The following VPS8 variants were observed in gnomAD, a reference collection of about 807,000 sequenced individuals.
VPS8 encodes the protein VPS8 subunit of CORVET complex, also known as vacuolar protein sorting-associated protein 8 homolog.
Under a neutral mutation model 216.4 loss-of-function variants are expected in VPS8, and 129 were observed. The observed-to-expected ratio is 0.60, with a 90% CI of 0.52 to 0.69. The LOEUF is 0.69. Among genes scored for constraint, VPS8 ranks in the 30% least tolerant of loss-of-function variants. VPS8 has a pLI of 0.00. For synonymous variants in VPS8, 571 were observed against 565.4 expected, an observed-to-expected ratio of 1.01 and a Z score of -0.14; for missense variants, 1,531 against 1,683.5, an observed-to-expected ratio of 0.91 and a Z score of 1.59.
chr3:184,990,429 T>C (rs1167167417), intron 42 of VPS8, among the ~76,000 whole-genome samples: 2 of 152,212 alleles, frequency 1.3e-5, no homozygotes, highest in African/African-American at 4.8e-5. Flanking sequence ...GTGCAGTGCC[T>C]GAAACATAGT....
intron 21 of VPS8, among the ~76,000 whole-genome samples, chr3:184,871,735 G>T (rs1429014146): frequency 6.6e-6 from 1 of 151,952 alleles, no homozygotes; most frequent in Non-Finnish European, 1.5e-5. Context: ...CAAAATAATG[G>T]GTTTTTTTGG....
chr3:184,942,721 AT>A (rs1742958223), intron 36 of VPS8, among the ~76,000 whole-genome samples: 1 of 152,204 alleles, frequency 6.6e-6, no homozygotes, highest in Admixed American at 6.5e-5. Flanking sequence ...GGAGGCAGGC[AT>A]TGATTTAGAT....
At chr3:184,837,485 C>T (rs1721319199) in intron 5 of VPS8, among the ~76,000 whole-genome samples, 1 of 152,164 alleles carries the variant, frequency 6.6e-6, no homozygotes, top group South Asian at 2.1e-4. Context: ...CATTTATTAA[C>T]TATGTATTAC....
chr3:184,930,849 C>T (rs1202172387), intron 34 of VPS8, among the ~76,000 whole-genome samples: 2 of 152,198 alleles, frequency 1.3e-5, no homozygotes, highest in African/African-American at 2.4e-5. Context: ...TCTGAGAGTA[C>T]TGCTTGTCCT....
At chr3:185,024,052 C>A (rs1245861822) in intron 45 of VPS8, among the ~76,000 whole-genome samples, 1 of 152,202 alleles carries the variant, frequency 6.6e-6, no homozygotes, top group Non-Finnish European at 1.5e-5. Flanking sequence ...AACATCATCA[C>A]CAAAGATCTA....
At chr3:184,880,075 A>G (rs973046344) in intron 21 of VPS8, among the ~76,000 whole-genome samples, 1 of 152,144 alleles carries the variant, frequency 6.6e-6, no homozygotes, top group African/African-American at 2.4e-5. Flanking sequence ...AAGTATGTGT[A>G]TTTGGTTTTT....
chr3:184,927,977 A>G (rs911753097), intron 31 of VPS8, among the ~76,000 whole-genome samples: 5 of 152,326 alleles, frequency 3.3e-5, no homozygotes, highest in South Asian at 2.1e-4. Flanking sequence ...ACTGAGGGCC[A>G]TTTGGATTGT....
chr3:184,888,030 C>T (rs549240993), intron 22 of VPS8, among the ~76,000 whole-genome samples: 80 of 151,820 alleles, frequency 5.3e-4, no homozygotes, highest in Non-Finnish European at 9.3e-4. Flanking sequence ...CTCTGTCGCC[C>T]AGGCTGGAGT....
chr3:184,870,904 A>AT lies in VPS8; in HGVS notation c.1734+106dup, dbSNP rs1728220971. On this transcript the variant is annotated intron_variant, in intron 21 of 47. Transcript: ENST00000625842. ...ATGTGACTTTCATTTTTGGTTAAACATTTTTTTAGTATTCAAAACTTTATT... is the reference window on the plus strand; with the variant it reads ...ATGTGACTTTCATTTTTGGTTAAACATTTTTTTTAGTATTCAAAACTTTATT... The AT allele has an allele frequency of 4.7e-6, 5 of 1,056,116 alleles. No homozygotes were observed. The Admixed American group carries it at 1.0e-4, about 21-fold the overall frequency. The allele number at this position is 1,056,116 out of a possible 1,614,324, so 65.4% of individuals were successfully genotyped here.
At chr3:184,993,891 A>G in intron 42 of VPS8, 92 bp from the exon 43 acceptor site, 5 of 987,042 alleles carry the variant, frequency 5.1e-6, no homozygotes, top group Non-Finnish European at 7.4e-6. Context: ...GTAGAAAAAT[A>G]CTTAAAAGCA....
chr3:184,908,461 G>A (rs1198496846), intron 25 of VPS8, among the ~76,000 whole-genome samples: 2 of 152,234 alleles, frequency 1.3e-5, no homozygotes, highest in South Asian at 2.1e-4. Context: ...GTCTTGAGGG[G>A]AATGCAGCAG....
At chr3:185,001,529 A>AC (rs1436106948) in intron 45 of VPS8, among the ~76,000 whole-genome samples, 1 of 152,178 alleles carries the variant, frequency 6.6e-6, no homozygotes, top group Non-Finnish European at 1.5e-5. Context: ...TTCTGGGCCT[A>AC]CCACCTTCCT....
chr3:185,011,443 A>G (rs1410344344), intron 45 of VPS8, among the ~76,000 whole-genome samples: 2 of 152,250 alleles, frequency 1.3e-5, no homozygotes, highest in Non-Finnish European at 2.9e-5. Flanking sequence ...CTACCAAAGC[A>G]GCTCTAAGTT....
At chr3:185,050,627 G>T (rs1250457929) in intron 47 of VPS8, among the ~76,000 whole-genome samples, 7 of 152,240 alleles carry the variant, frequency 4.6e-5, no homozygotes, top group African/African-American at 1.7e-4. Flanking sequence ...GCAAGTCACT[G>T]TGTTGTGAAG....
rs539103814 is a variant in VPS8, at chr3:184,860,182, A to G, written c.1224+117A>G. 1.1e-4 allele frequency: 106 copies of G among 934,586 alleles called. 2 individuals carry two copies. The South Asian group carries it at 1.2e-3, about 10-fold the overall frequency. The allele number at this position is 934,586 out of a possible 1,614,324, so 57.9% of individuals were successfully genotyped here. On this transcript the variant is annotated intron_variant, in intron 15 of 47. Transcript: ENST00000625842. ...ATTATTACCTTTAAGATCATATGAAATATGGACAGTCCGGCACCGAGGCTC... is the reference window on the plus strand; with the variant it reads ...ATTATTACCTTTAAGATCATATGAAGTATGGACAGTCCGGCACCGAGGCTC...
At chr3:185,011,006 CAAAAA>C (rs1472775971) in intron 45 of VPS8, among the ~76,000 whole-genome samples, 1 of 144,652 alleles carries the variant, frequency 6.9e-6, no homozygotes. Context: ...CTCAAAAAAA[CAAAAA>C]AGAAAAAGAA....
rs1726656972 is a variant in VPS8, at chr3:184,863,004, G to T, written c.1332G>T (p.Gln444His). The T allele has an allele frequency of 1.2e-6, 2 of 1,613,162 alleles. No homozygotes were observed. Among genetic ancestry groups the T allele is most frequent in the African/African-American group, 2.7e-5 (2 of 74,708 alleles). The change falls in exon 16 of 48, where the codon CAG (glutamine) becomes CAT (histidine). Residue 444 changes from glutamine to histidine, a missense_variant. Gln to His is a conservative substitution (Grantham distance 24, BLOSUM62 0). Around this residue, in one of 3 missense-constraint regions of VPS8, gnomAD observed 1,318 missense variants for 1,468.4 expected, o/e 0.90. Transcript: ENST00000625842. ...ELETVEISEV[Q>H]LVYNSSHFKS... is the part of the protein sequence containing the mutation. ...AGACAGTGGAGATCTCAGAAGTTCA[G>T]CTGGTCTACAATAGCAGCCATTTCA... is the stretch of plus-strand genomic sequence containing the variant.
chr3:184,824,344 G>A, intron 1 of VPS8: 1 of 270,962 alleles, frequency 3.7e-6, no homozygotes, highest in Non-Finnish European at 7.1e-6. Flanking sequence ...TTGAGCCCAA[G>A]TTAGCTGTTC....
At chr3:184,998,627 AT>A (rs900991964) in intron 44 of VPS8, among the ~76,000 whole-genome samples, 10 of 151,832 alleles carry the variant, frequency 6.6e-5, no homozygotes, top group African/African-American at 2.2e-4. Flanking sequence ...AATGTCCGAC[AT>A]TTTAGATTAG....
Sources: gnomAD v4.1 joint callset for allele counts (sites outside exome capture counted in the v4.1 genomes callset) on GRCh38, gnomAD v4.1.1 for gene constraint, gnomAD v4.1.1 regional missense constraint, MANE v1.5 for transcripts, NCBI Gene and HGNC (gene_info 2026-07-23, HGNC 2026-07-21) for gene names.